CORO2A: variants seen among roughly 807,000 people sequenced by gnomAD.
The protein encoded by CORO2A is coronin 2A.
A neutral mutation model predicts 62.4 loss-of-function variants in CORO2A; 47 were observed. That is an observed-to-expected ratio of 0.75 (90% CI 0.60 to 0.96). CORO2A has a LOEUF of 0.96. CORO2A is among the 40% of genes least tolerant of loss of function. The pLI, the probability that CORO2A is intolerant of heterozygous loss-of-function variation, is 0.00. For synonymous variants in CORO2A, 273 were observed against 268.9 expected, an observed-to-expected ratio of 1.02 and a Z score of -0.15; for missense variants, 610 against 684.1, an observed-to-expected ratio of 0.89 and a Z score of 1.21.
intron 1 of CORO2A, among the ~76,000 whole-genome samples, chr9:98,186,020 C>T (rs1828234933): frequency 6.6e-6 from 1 of 152,252 alleles, no homozygotes; most frequent in African/African-American, 2.4e-5. Flanking sequence ...CTCTTGGGCC[C>T]AGGGAACACA....
intron 1 of CORO2A, among the ~76,000 whole-genome samples, chr9:98,184,060 G>A (rs1020811635): frequency 6.6e-6 from 1 of 152,190 alleles, no homozygotes; most frequent in African/African-American, 2.4e-5. Flanking sequence ...ACAGGAGGGT[G>A]TGTGTAGGTT....
rs763119059 is a variant in CORO2A, at chr9:98,121,964, G to A, written c.*2810C>T. ...GACGGGAGTGAGCCCCAGTGACTGA[G>A]TAAATGGAGAATAAGACAAGGAACA... On this transcript the variant is annotated 3_prime_UTR_variant, in exon 12 of 12. Transcript: ENST00000375077. 2.6e-5 allele frequency: 4 copies of A among 152,176 alleles called. No homozygotes were observed. Among genetic ancestry groups the A allele is most frequent in the Admixed American group, 6.6e-5 (1 of 15,266 alleles). 9.4% of individuals were successfully genotyped at this position (152,176 alleles called of 1,614,324 possible).
Position 98,132,321 on chromosome 9 carries a change from C to A in CORO2A, c.649-20G>T. 1.9e-6 allele frequency: 3 copies of A among 1,601,676 alleles called. No individual in the cohort carries two copies. In the South Asian group the frequency reaches 3.3e-5, roughly 18 times the overall value. On this transcript the variant is annotated intron_variant, in intron 5 of 11. Transcript: ENST00000375077. ...GGCCTCCTGGAGGGACACGTGCGGT[C>A]GGTATTGGAGAGACAGTAGAGGATC...
In CORO2A at chr9:98,126,246, T is replaced by G. The variant is rs187971775; in HGVS notation, c.1446+303A>C. Among the ~76,000 whole-genome samples, 82 of 151,264 alleles carry G rather than the reference T, an allele frequency of 5.4e-4. No homozygotes were observed. In the South Asian group the frequency reaches 5.7e-3, roughly 10 times the overall value. ...AGATGGGGTTTCACTATGTTGGCCA[T>G]GCTGGTCTTGAACTCCTGACCTCAT... On this transcript the variant is annotated intron_variant, in intron 11 of 11. Transcript: ENST00000375077.
chr9:98,175,591 TCA>T (rs1295954999), intron 1 of CORO2A, among the ~76,000 whole-genome samples: 3 of 152,180 alleles, frequency 2.0e-5, no homozygotes, highest in Admixed American at 2.0e-4. Context: ...TCCCTGCCTG[TCA>T]CCTTCCAGAG....
chr9:98,158,732 C>T (rs757827628), intron 1 of CORO2A, among the ~76,000 whole-genome samples: 3 of 151,954 alleles, frequency 2.0e-5, no homozygotes, highest in Non-Finnish European at 4.4e-5. Context: ...GTCATGTAGG[C>T]AGGATGAGGG....
chr9:98,142,042 T>TA (rs1457750802), intron 2 of CORO2A, among the ~76,000 whole-genome samples: 1 of 152,270 alleles, frequency 6.6e-6, no homozygotes, highest in East Asian at 1.9e-4. Context: ...TTTAGCTATG[T>TA]AAGTTTTGCA....
chr9:98,184,924 T>C (rs1281054326), intron 1 of CORO2A, among the ~76,000 whole-genome samples: 1 of 152,196 alleles, frequency 6.6e-6, no homozygotes, highest in African/African-American at 2.4e-5. Flanking sequence ...CCTGGCATTT[T>C]GTAGTTCATA....
chr9:98,190,680 G>A (rs539581555), intron 1 of CORO2A, among the ~76,000 whole-genome samples: 1 of 152,294 alleles, frequency 6.6e-6, no homozygotes, highest in African/African-American at 2.4e-5. Context: ...GTCATAGCAT[G>A]ACTTTTTAAT....
chr9:98,164,883 G>A (rs747611933), intron 1 of CORO2A, among the ~76,000 whole-genome samples: 21 of 152,126 alleles, frequency 1.4e-4, no homozygotes, highest in Non-Finnish European at 1.9e-4. Flanking sequence ...GACTTACAGC[G>A]CTAAACTGGG....
intron 7 of CORO2A, among the ~76,000 whole-genome samples, chr9:98,130,484 C>T (rs1351848735): frequency 6.6e-6 from 1 of 152,220 alleles, no homozygotes; most frequent in Non-Finnish European, 1.5e-5. Context: ...GTCCAAATCC[C>T]GCTCCTATCT....
Position 98,121,144 on chromosome 9 carries a change from T to A in CORO2A, c.*3630A>T, listed in dbSNP as rs989797446. 2.0e-5 allele frequency: 3 copies of A among 152,208 alleles called. No individual in the cohort carries two copies. Among genetic ancestry groups the A allele is most frequent in the Admixed American group, 6.5e-5 (1 of 15,280 alleles). The allele number at this position is 152,208 out of a possible 1,614,324, so 9.4% of individuals were successfully genotyped here. A position where few individuals can be genotyped will look rare whatever the true frequency, so the allele number is the denominator to read the frequency against. On this transcript the variant is annotated 3_prime_UTR_variant, in exon 12 of 12. Transcript: ENST00000375077. ...CAAACTGTTTCAGGCACGGTTTCAA[T>A]TAAAAGCATAGATTTGATTTCTGAC...
chr9:98,143,785 A>G (rs1827606334), intron 2 of CORO2A, among the ~76,000 whole-genome samples: 1 of 152,210 alleles, frequency 6.6e-6, no homozygotes, highest in South Asian at 2.1e-4. Context: ...GGGGACTCCC[A>G]TCCTTTCCTA....
In CORO2A at chr9:98,157,572, G is replaced by A. The variant is rs1267172015; in HGVS notation, c.89C>T (p.Pro30Leu). ...ASKENCYDSV[P>L]ITRSVHDNHF... ...GTTGTCGTGAACGCTGCGGGTGATA[G>A]GCACGGAGTCGTAGCAGTTCTCCTT... The change falls in exon 2 of 12, where the codon CCT becomes CTT. Residue 30 changes from proline to leucine, a missense_variant. Physicochemically the swap from Pro to Leu is moderately conservative, Grantham distance 98. Coordinates refer to ENST00000375077, the MANE Select transcript of CORO2A (RefSeq NM_052820.4). The A allele has an allele frequency of 1.9e-6, 3 of 1,614,200 alleles. No individual in the cohort carries two copies. In the South Asian group the frequency reaches 3.3e-5, roughly 18 times the overall value.
intron 5 of CORO2A, 136 bp downstream of exon 5, chr9:98,132,902 A>G (rs1312759823): frequency 2.1e-6 from 2 of 969,934 alleles, no homozygotes; most frequent in Non-Finnish European, 3.1e-6. Context: ...TCCCGAGAGG[A>G]CAGACAGGGA....
At chr9:98,130,217 A>G (rs1827385243) in intron 7 of CORO2A, among the ~76,000 whole-genome samples, 1 of 152,086 alleles carries the variant, frequency 6.6e-6, no homozygotes, top group Non-Finnish European at 1.5e-5. Flanking sequence ...AGTAGGTGGG[A>G]CCACAGGTGT....
intron 5 of CORO2A, 104 bp from the exon 6 acceptor site, chr9:98,132,405 G>T: frequency 1.1e-6 from 1 of 880,852 alleles, no homozygotes; most frequent in Non-Finnish European, 1.8e-6. Flanking sequence ...CCACCTGGGA[G>T]GCCTCCCTTT....
chr9:98,187,986 C>T (rs753570324), intron 1 of CORO2A, among the ~76,000 whole-genome samples: 22 of 152,160 alleles, frequency 1.4e-4, no homozygotes, highest in Non-Finnish European at 2.9e-4. Flanking sequence ...AGAGTAGCTC[C>T]GTCATACACT....
chr9:98,125,466 G>T (rs945851439), intron 11 of CORO2A, among the ~76,000 whole-genome samples: 2 of 152,172 alleles, frequency 1.3e-5, no homozygotes, highest in Non-Finnish European at 2.9e-5. Context: ...AGCAGAGCCA[G>T]GATCAGAATC....
Sources: allele counts gnomAD v4.1 joint callset (sites outside exome capture counted in the v4.1 genomes callset), GRCh38; gene constraint gnomAD v4.1.1; transcripts MANE v1.5; gene names NCBI Gene and HGNC (gene_info 2026-07-23, HGNC 2026-07-21).